RNF182: variants seen among roughly 807,000 people sequenced by gnomAD.
RNF182 encodes the protein ring finger protein 182.
A neutral mutation model predicts 14.4 loss-of-function variants in RNF182; 15 were observed. The observed-to-expected ratio is 1.04, with a 90% CI of 0.70 to 1.60. The LOEUF is 1.60. Ranked by LOEUF, RNF182 falls within the 40% of genes most tolerant of loss-of-function variation. RNF182 has a pLI of 0.00. For missense variants in RNF182, 268 were observed against 294.8 expected, an observed-to-expected ratio of 0.91 and a Z score of 0.67; for synonymous variants, 128 against 122.9, an observed-to-expected ratio of 1.04 and a Z score of -0.27.
intron 1 of RNF182, among the ~76,000 whole-genome samples, chr6:13,972,160 C>T (rs969078702): frequency 6.6e-6 from 1 of 151,810 alleles, no homozygotes; most frequent in Non-Finnish European, 1.5e-5. Flanking sequence ...AAAAAATTAG[C>T]TGGGCATGGT....
chr6:13,975,671 C>T (rs1197184950), intron 2 of RNF182, among the ~76,000 whole-genome samples: 2 of 152,180 alleles, frequency 1.3e-5, no homozygotes, highest in Non-Finnish European at 2.9e-5. Context: ...TATCCAGATT[C>T]AGCTACCCAC....
intron 1 of RNF182, among the ~76,000 whole-genome samples, chr6:13,935,414 C>G (rs1284766671): frequency 6.6e-6 from 1 of 152,022 alleles, no homozygotes; most frequent in African/African-American, 2.4e-5. Context: ...TTCACACACA[C>G]AAGATATGTG....
chr6:13,955,094 T>C (rs981192550), intron 1 of RNF182, among the ~76,000 whole-genome samples: 9 of 152,180 alleles, frequency 5.9e-5, no homozygotes, highest in Middle Eastern at 3.2e-3. Flanking sequence ...CAGTAAACTT[T>C]TTATGTAAAG....
intron 1 of RNF182, among the ~76,000 whole-genome samples, chr6:13,934,036 TAAAAA>T (rs894135524): frequency 3.3e-5 from 5 of 151,860 alleles, no homozygotes; most frequent in African/African-American, 1.2e-4. Flanking sequence ...GAAAAAAAAT[TAAAAA>T]AAAGAAATGT....
chr6:13,959,795 T>C (rs1201359163), intron 1 of RNF182, among the ~76,000 whole-genome samples: 2 of 152,160 alleles, frequency 1.3e-5, no homozygotes, highest in African/African-American at 4.8e-5. Context: ...AAATTTGTCT[T>C]AGACCTGTTA....
intron 1 of RNF182, among the ~76,000 whole-genome samples, chr6:13,944,685 T>C (rs1425096956): frequency 3.3e-5 from 5 of 152,240 alleles, no homozygotes; most frequent in African/African-American, 1.2e-4. Flanking sequence ...AGGTGTGCTA[T>C]ATCTGTTATT....
chr6:13,937,302 C>A (rs1388523919), intron 1 of RNF182, among the ~76,000 whole-genome samples: 2 of 152,156 alleles, frequency 1.3e-5, no homozygotes, highest in African/African-American at 2.4e-5. Context: ...ACCCCCAAAT[C>A]CTTCCTTTGC....
intron 1 of RNF182, among the ~76,000 whole-genome samples, chr6:13,955,342 A>T (rs1425270573): frequency 6.6e-6 from 1 of 152,222 alleles, no homozygotes. Context: ...TCCTTCTATA[A>T]AAAGAATTTT....
At chr6:13,962,882 G>C (rs888517215) in intron 1 of RNF182, among the ~76,000 whole-genome samples, 11 of 152,164 alleles carry the variant, frequency 7.2e-5, no homozygotes, top group African/African-American at 1.7e-4. Flanking sequence ...CTTACCCTAA[G>C]ACCTATACAA....
chr6:13,946,847 G>C (rs572861592), intron 1 of RNF182, among the ~76,000 whole-genome samples: 1 of 152,040 alleles, frequency 6.6e-6, no homozygotes, highest in Non-Finnish European at 1.5e-5. Context: ...CAATTTTTAG[G>C]GTCTCTTGTA....
At chr6:13,950,069 T>C (rs1759549187) in intron 1 of RNF182, among the ~76,000 whole-genome samples, 1 of 152,214 alleles carries the variant, frequency 6.6e-6, no homozygotes, top group Admixed American at 6.5e-5. Flanking sequence ...CTTCTCACAT[T>C]CCCATGTCTT....
In RNF182 at chr6:13,977,464, G is replaced by T; in HGVS notation, c.345G>T (p.Leu115=). ...AGCTGCTGCTCACCCCCAAGAGGCTGGCCTCTCTGGTCAGTCCTTCTCACA... is the reference window on the plus strand; with the variant it reads ...AGCTGCTGCTCACCCCCAAGAGGCTTGCCTCTCTGGTCAGTCCTTCTCACA... ...PTELLLTPKR[L]ASLVSPSHTS... Residue 115 remains leucine, a synonymous_variant, in exon 3 of 3, where the codon CTG becomes CTT. Coordinates refer to ENST00000488300, the MANE Select transcript of RNF182 (RefSeq NM_152737.4). The T allele has an allele frequency of 1.2e-6, 2 of 1,614,138 alleles. No homozygotes were observed. The highest frequency in any genetic ancestry group is 1.7e-6 in the Non-Finnish European group (2 of 1,180,008).
chr6:13,958,866 A>T (rs1759794412), intron 1 of RNF182, among the ~76,000 whole-genome samples: 1 of 152,196 alleles, frequency 6.6e-6, no homozygotes, highest in South Asian at 2.1e-4. Context: ...CTCATGTTGA[A>T]ATTTGACTAG....
In RNF182 at chr6:13,977,231, G is replaced by C. The variant is rs1760351856; in HGVS notation, c.112G>C (p.Glu38Gln). The C allele has an allele frequency of 1.9e-6, 3 of 1,614,196 alleles. No homozygotes were observed. Among genetic ancestry groups the C allele is most frequent in the Non-Finnish European group, 2.5e-6 (3 of 1,180,030 alleles). ...NLKQRKPKVL[E>Q]CCHRVCAKCL... ...GAAACAGAGGAAACCCAAAGTGCTG[G>C]AGTGTTGTCATAGGGTTTGTGCCAA... Residue 38 changes from glutamate to glutamine, a missense_variant, in exon 3 of 3, where the codon GAG becomes CAG. Physicochemically the swap from Glu to Gln is conservative, Grantham distance 29. Coordinates refer to ENST00000488300, the MANE Select transcript of RNF182 (RefSeq NM_152737.4).
At chr6:13,934,611 A>G (rs992557049) in intron 1 of RNF182, among the ~76,000 whole-genome samples, 1 of 152,150 alleles carries the variant, frequency 6.6e-6, no homozygotes, top group Non-Finnish European at 1.5e-5. Context: ...TGTCATAGGT[A>G]GTTTGCCATT....
intron 1 of RNF182, among the ~76,000 whole-genome samples, chr6:13,944,464 G>C (rs769655518): frequency 6.6e-6 from 1 of 152,122 alleles, no homozygotes; most frequent in Non-Finnish European, 1.5e-5. Flanking sequence ...AGTTTGTATA[G>C]GTCAAAGTGG....
At chr6:13,927,116 T>A (rs147194478) in intron 1 of RNF182, among the ~76,000 whole-genome samples, 2 of 152,294 alleles carry the variant, frequency 1.3e-5, no homozygotes, top group East Asian at 3.9e-4. Flanking sequence ...TCAACAATCA[T>A]GTATTGCATG....
Position 13,937,845 on chromosome 6 carries a change from C to G in RNF182, c.-367+12822C>G, listed in dbSNP as rs368750668. Among the ~76,000 whole-genome samples the G allele has an allele frequency of 2.6e-5, 4 of 152,066 alleles. No homozygotes were observed. In the East Asian group the frequency reaches 5.8e-4, roughly 22 times the overall value. The stretch of plus-strand genomic sequence containing the variant: ...TAGTTGGTATTGCCAGTCATAGTAG[C>G]AGATGAAAAATGATATCTCATTGTA... On this transcript the variant is annotated intron_variant, in intron 1 of 2. Coordinates refer to ENST00000488300, the MANE Select transcript of RNF182 (RefSeq NM_152737.4).
At chr6:13,959,589 G>T (rs992401805) in intron 1 of RNF182, among the ~76,000 whole-genome samples, 4 of 152,186 alleles carry the variant, frequency 2.6e-5, no homozygotes, top group African/African-American at 9.7e-5. Context: ...GATGAAGATG[G>T]AATGAAATTG....
Sources: allele counts gnomAD v4.1 joint callset (sites outside exome capture counted in the v4.1 genomes callset), GRCh38; gene constraint gnomAD v4.1.1; transcripts MANE v1.5; gene names NCBI Gene and HGNC (gene_info 2026-07-23, HGNC 2026-07-21).